The following RASSF1 variants were observed in gnomAD, a reference collection of about 807,000 sequenced individuals.
RASSF1 encodes Ras association domain family member 1.
Under a neutral mutation model 34.3 loss-of-function variants are expected in RASSF1, and 33 were observed. That is an observed-to-expected ratio of 0.96 (90% CI 0.73 to 1.29). The LOEUF is 1.29. RASSF1 is among the 50% of genes most tolerant of loss of function. The pLI, the probability that RASSF1 is intolerant of heterozygous loss-of-function variation, is 0.00. For missense variants in RASSF1, 445 were observed against 471.8 expected, an observed-to-expected ratio of 0.94 and a Z score of 0.53; for synonymous variants, 191 against 195.0, an observed-to-expected ratio of 0.98 and a Z score of 0.17.
At chr3:50,331,309 A>C in intron 5 of RASSF1, 25 bp downstream of exon 5, 1 of 1,491,788 alleles carries the variant, frequency 6.7e-7, no homozygotes, top group South Asian at 1.2e-5. Flanking sequence ...AGTGACAACC[A>C]AGAAACTAAG....
intron 5 of RASSF1, among the ~76,000 whole-genome samples, chr3:50,331,124 C>A (rs191295671): frequency 3.0e-4 from 45 of 152,340 alleles, no homozygotes; most frequent in Non-Finnish European, 4.4e-5. Flanking sequence ...GATCAAAGCA[C>A]CAAGGCAATT....
At chr3:50,337,457 T>C (rs1477429004) in intron 2 of RASSF1, 2 of 1,568,130 alleles carry the variant, frequency 1.3e-6, no homozygotes, top group Non-Finnish European at 1.7e-6. Flanking sequence ...GACTGAAACG[T>C]AGATCGCCGG....
intron 2 of RASSF1, among the ~76,000 whole-genome samples, chr3:50,332,629 A>G (rs998186631): frequency 2.0e-5 from 3 of 146,606 alleles, no homozygotes; most frequent in African/African-American, 7.6e-5. Context: ...CTCTACTAAA[A>G]AAAGAAAAAA....
intron 1 of RASSF1, among the ~76,000 whole-genome samples, chr3:50,339,091 T>G (rs895617312): frequency 2.0e-5 from 3 of 152,248 alleles, no homozygotes; most frequent in Non-Finnish European, 2.9e-5. Context: ...TCCGTGCCAG[T>G]ACCTTCACTA....
intron 2 of RASSF1, chr3:50,337,637 G>A: frequency 2.0e-6 from 2 of 1,006,376 alleles, no homozygotes; most frequent in Non-Finnish European, 2.9e-6. Context: ...CCTCTGGCCG[G>A]AGGCGAGGGC....
chr3:50,332,149 C>T lies in RASSF1; in HGVS notation c.363G>A (p.Glu121=). The change falls in exon 3 of 6, where the codon GAG becomes GAA. Residue 121 remains glutamate (E), a synonymous_variant. Transcript: ENST00000359365. ...PAVERDTNVD[E]PVEWETPDLS... ...GGTCAGGTGTCTCCCACTCCACAGGCTCGTCCTGCAAGATGGGCCAGCATG... is the reference window on the plus strand; with the variant it reads ...GGTCAGGTGTCTCCCACTCCACAGGTTCGTCCTGCAAGATGGGCCAGCATG... 6.2e-7 allele frequency: 1 copy of T among 1,614,142 alleles called. No individual in the cohort carries two copies. The highest frequency in any genetic ancestry group is 1.7e-4 in the Middle Eastern group (1 of 6,054).
chr3:50,331,583 C>CA lies in RASSF1; in HGVS notation c.735dup (p.Glu246Ter). On this transcript the variant is annotated frameshift_variant, in exon 4 of 6. Transcript: ENST00000359365. LOFTEE classifies it high-confidence loss of function. ...CCTTGGCCGTGACGCTCAGCGCGCT[C>CA]AAAGAGTGCAAACTTGCGGGGGTCA... The CA allele has an allele frequency of 6.3e-7, 1 of 1,598,322 alleles. No individual in the cohort carries two copies. The highest frequency in any genetic ancestry group is 8.6e-7 in the Non-Finnish European group (1 of 1,167,076).
chr3:50,331,218 TG>T, intron 5 of RASSF1, 115 bp downstream of exon 5: 1 of 828,174 alleles, frequency 1.2e-6, no homozygotes, highest in Non-Finnish European at 1.8e-6. Context: ...TATACACTCC[TG>T]GAACTGTTTT....
chr3:50,331,452 G>A lies in RASSF1; in HGVS notation c.761-3C>T. ...ATCCAACAGCTTCCGCAAGTACACTGTGAAGGGGAAGTAATGATCAGAGAC... is the reference window on the plus strand; with the variant it reads ...ATCCAACAGCTTCCGCAAGTACACTATGAAGGGGAAGTAATGATCAGAGAC... On this transcript the variant is annotated splice_polypyrimidine_tract_variant and splice_region_variant and intron_variant, in intron 4 of 5. Transcript: ENST00000359365. 6.3e-7 allele frequency: 1 copy of A among 1,589,890 alleles called. No individual in the cohort carries two copies. The highest frequency in any genetic ancestry group is 1.7e-4 in the Middle Eastern group (1 of 5,980).
chr3:50,332,633 G>GAA lies in RASSF1; in HGVS notation c.358-481_358-480dup, dbSNP rs56872728. Among the ~76,000 whole-genome samples the GAA allele has an allele frequency of 6.8e-5, 10 of 147,162 alleles. No homozygotes were observed. The East Asian group carries it at 1.8e-3, about 26-fold the overall frequency. ...CAAGACCTCATCTCTACTAAAAAAA[G>GAA]AAAAAAAAAAATTAGCCAGGTGTGG... is the stretch of plus-strand genomic sequence containing the variant. On this transcript the variant is annotated intron_variant, in intron 2 of 5. Coordinates refer to ENST00000359365, the MANE Select transcript of RASSF1 (RefSeq NM_007182.5).
At chr3:50,337,095 G>C in intron 2 of RASSF1, 1 of 1,463,474 alleles carries the variant, frequency 6.8e-7, no homozygotes, top group Non-Finnish European at 9.0e-7. Flanking sequence ...ACCGACCCAG[G>C]ACGCGGCAAC....
At chr3:50,340,389 A>C (rs1437908448) in intron 1 of RASSF1, among the ~76,000 whole-genome samples, 167 bp downstream of exon 1, 1 of 152,228 alleles carries the variant, frequency 6.6e-6, no homozygotes, top group Non-Finnish European at 1.5e-5. Context: ...GAGTGCGACA[A>C]GGGATAAACC....
chr3:50,338,183 G>C, intron 1 of RASSF1, 172 bp from the exon 2 acceptor site: 1 of 1,414,908 alleles, frequency 7.1e-7, no homozygotes, highest in Non-Finnish European at 9.2e-7. Flanking sequence ...CCACCTGGGC[G>C]TCTGGAAACC....
chr3:50,340,522 T>C, intron 1 of RASSF1, 34 bp downstream of exon 1: 1 of 1,441,200 alleles, frequency 6.9e-7, no homozygotes, highest in Non-Finnish European at 9.0e-7. Context: ...GGCTGCCCCT[T>C]CCGCTCTCGT....
rs1702887108 is a variant in RASSF1 at position 50,330,305 on chromosome 3, C to T, written c.*276G>A. The T allele has an allele frequency of 1.5e-5, 6 of 412,312 alleles. No homozygotes were observed. The South Asian group carries it at 2.2e-4, about 15-fold the overall frequency. The allele number at this position is 412,312 out of a possible 1,614,324, so 25.5% of individuals were successfully genotyped here. On this transcript the variant is annotated 3_prime_UTR_variant, in exon 6 of 6. Transcript: ENST00000359365. This position sits in a 1 kb window ranked among gnomAD's most constrained non-coding sequence, Gnocchi z 4.5. ...AGACAAAAATTGAGGAGACTTCTGT[C>T]TGCACCACTCCTGCTGCAGGCCTGG...
At chr3:50,340,506 C>T in intron 1 of RASSF1, 50 bp downstream of exon 1, 1 of 1,411,540 alleles carries the variant, frequency 7.1e-7, no homozygotes, top group East Asian at 3.0e-5. Flanking sequence ...GACTGCGCTG[C>T]CCCTTGGCTG....
At chr3:50,338,334 C>A in intron 1 of RASSF1, 1 of 625,292 alleles carries the variant, frequency 1.6e-6, no homozygotes, top group Non-Finnish European at 2.1e-6. Flanking sequence ...GGCTGGAGTG[C>A]AATGGCGCGA....
intron 1 of RASSF1, 87 bp from the exon 2 acceptor site, chr3:50,338,098 G>A: frequency 2.0e-6 from 3 of 1,513,564 alleles, no homozygotes; most frequent in African/African-American, 1.4e-5. Flanking sequence ...GGAGAGGGCC[G>A]CTGCTCGCCA....
chr3:50,337,607 G>C, intron 2 of RASSF1: 2 of 1,190,470 alleles, frequency 1.7e-6, no homozygotes, highest in African/African-American at 1.5e-5. Flanking sequence ...GCCAGCGTCC[G>C]GGCAAGCGCA....
Sources: allele counts gnomAD v4.1 joint callset (sites outside exome capture counted in the v4.1 genomes callset), GRCh38; gene constraint gnomAD v4.1.1; non-coding constraint Gnocchi (gnomAD v3.1); transcripts MANE v1.5; gene names NCBI Gene and HGNC (gene_info 2026-07-23, HGNC 2026-07-21).